UBTD1: variants seen among roughly 807,000 people sequenced by gnomAD.
UBTD1 encodes ubiquitin domain containing 1, also known as ubiquitin domain-containing protein 1.
In UBTD1, 19 loss-of-function variants were observed where a neutral mutation model predicts 21.7. The ratio of observed to expected loss-of-function variants is 0.87; its 90% CI spans 0.61 to 1.28. The LOEUF (loss-of-function observed/expected upper bound fraction) is 1.28. Among genes scored for constraint, UBTD1 ranks in the 50% most tolerant of loss-of-function variants. UBTD1 has a pLI of 0.00. For missense variants in UBTD1, 282 were observed against 315.1 expected (o/e 0.89, Z 0.80); for synonymous variants, 116 against 135.1 (o/e 0.86, Z 0.98).
chr10:97,533,134 G>T (rs566171702), intron 1 of UBTD1, among the ~76,000 whole-genome samples: 17 of 152,250 alleles, frequency 1.1e-4, no homozygotes, highest in Non-Finnish European at 2.5e-4. Context: ...AGGGCTGCCA[G>T]CCTCAGCAGT....
chr10:97,550,421 A>G (rs1427941591), intron 1 of UBTD1, among the ~76,000 whole-genome samples: 2 of 152,090 alleles, frequency 1.3e-5, no homozygotes, highest in Non-Finnish European at 2.9e-5. Flanking sequence ...AAGTCACAAG[A>G]ACCATCTCCT....
intron 1 of UBTD1, among the ~76,000 whole-genome samples, chr10:97,535,353 C>T (rs570632759): frequency 4.5e-4 from 69 of 152,294 alleles, no homozygotes; most frequent in Middle Eastern, 3.4e-3. Flanking sequence ...TGGTGGCTCA[C>T]GCCTGTAATC....
intron 1 of UBTD1, among the ~76,000 whole-genome samples, chr10:97,542,195 G>A (rs901442864): frequency 1.3e-5 from 2 of 152,184 alleles, no homozygotes; most frequent in Non-Finnish European, 2.9e-5. Context: ...CACCACCCAG[G>A]CCCTGCATCT....
At chr10:97,566,853 G>A (rs780917323) in intron 1 of UBTD1, among the ~76,000 whole-genome samples, 6 of 152,068 alleles carry the variant, frequency 3.9e-5, no homozygotes, top group African/African-American at 7.2e-5. Context: ...AGATGACTGA[G>A]CCTCCAAAAG....
intron 1 of UBTD1, among the ~76,000 whole-genome samples, chr10:97,555,239 A>G (rs2040658575): frequency 6.6e-6 from 1 of 152,236 alleles, no homozygotes; most frequent in East Asian, 1.9e-4. Context: ...AAATAATGAA[A>G]GAGAAAAGGA....
intron 1 of UBTD1, among the ~76,000 whole-genome samples, chr10:97,523,293 A>AG (rs1183786364): frequency 6.6e-6 from 1 of 152,182 alleles, no homozygotes; most frequent in Non-Finnish European, 1.5e-5. Context: ...GCAGGTCAAC[A>AG]AGGTGGCCAT....
intron 1 of UBTD1, among the ~76,000 whole-genome samples, chr10:97,557,589 A>T (rs1363668127): frequency 6.6e-6 from 1 of 152,120 alleles, no homozygotes; most frequent in East Asian, 1.9e-4. Context: ...TCCAATTTAG[A>T]GAACCGCATC....
chr10:97,542,458 C>T (rs2040591488), intron 1 of UBTD1, among the ~76,000 whole-genome samples: 1 of 152,214 alleles, frequency 6.6e-6, no homozygotes, highest in Non-Finnish European at 1.5e-5. Context: ...CCCACTCATC[C>T]CCTTGTCTTG....
chr10:97,515,639 A>G (rs2040440701), intron 1 of UBTD1, among the ~76,000 whole-genome samples: 1 of 152,114 alleles, frequency 6.6e-6, no homozygotes. Flanking sequence ...CTTCTCTTTG[A>G]GCTTCCTTCA....
At chr10:97,502,188 ATT>A (rs550102757) in intron 1 of UBTD1, among the ~76,000 whole-genome samples, 1 of 146,766 alleles carries the variant, frequency 6.8e-6, no homozygotes, top group African/African-American at 2.5e-5. Context: ...ATATATCTGC[ATT>A]TTTTTTTTTA....
chr10:97,570,133 T>G lies in UBTD1; in HGVS notation c.299-5T>G. 6.3e-7 allele frequency: 1 copy of G among 1,597,986 alleles called. No homozygotes were observed. The highest frequency in any genetic ancestry group is 8.6e-7 in the Non-Finnish European group (1 of 1,168,802). On this transcript the variant is annotated splice_region_variant and splice_polypyrimidine_tract_variant and intron_variant, in intron 2 of 2. Coordinates refer to ENST00000370664, the MANE Select transcript of UBTD1 (RefSeq NM_024954.5). This position sits in a 1 kb window ranked among gnomAD's most constrained non-coding sequence, Gnocchi z 6.6. ...CTGACTCTGACAGCCCTGCCTCTCC[T>G]ACAGGCACCCTCTGTGAATGCTACG...
intron 1 of UBTD1, among the ~76,000 whole-genome samples, chr10:97,507,655 A>C (rs2040404699): frequency 1.3e-5 from 2 of 151,662 alleles, no homozygotes; most frequent in Non-Finnish European, 2.9e-5. Context: ...ACGTGCCTGT[A>C]ATCCCAGCTA....
chr10:97,562,354 C>T (rs2040696729), intron 1 of UBTD1, among the ~76,000 whole-genome samples: 2 of 152,168 alleles, frequency 1.3e-5, no homozygotes, highest in Admixed American at 6.5e-5. Flanking sequence ...AGCAATAAAG[C>T]TTTTTAATCA....
Position 97,570,781 on chromosome 10 carries a change from C to G in UBTD1, c.*258C>G, listed in dbSNP as rs2040744975. The G allele has an allele frequency of 2.2e-6, 1 of 464,642 alleles. No individual in the cohort carries two copies. The allele number at this position is 464,642 out of a possible 1,614,324, so 28.8% of individuals were successfully genotyped here. The stretch of plus-strand genomic sequence containing the variant: ...CCCTCACCCTGCCTGTCTCCCGAAG[C>G]AGGTTCGAGCCACAAGGGCCAACCA... On this transcript the variant is annotated 3_prime_UTR_variant, in exon 3 of 3. Coordinates refer to ENST00000370664, the MANE Select transcript of UBTD1 (RefSeq NM_024954.5). This position sits in a 1 kb window ranked among gnomAD's most constrained non-coding sequence, Gnocchi z 6.6.
chr10:97,543,695 A>C (rs565677744), intron 1 of UBTD1, among the ~76,000 whole-genome samples: 1 of 152,340 alleles, frequency 6.6e-6, no homozygotes, highest in East Asian at 1.9e-4. Context: ...ACAGACCTGA[A>C]AGACAGAAAG....
chr10:97,570,375 A>C lies in UBTD1; in HGVS notation c.536A>C (p.His179Pro). Residue 179 changes from histidine (H) to proline (P), a missense_variant, in exon 3 of 3, where the codon CAC becomes CCC. Transcript: ENST00000370664. The surrounding 1 kb of genome is among the most constrained non-coding windows in gnomAD (Gnocchi z 6.6). The part of the protein sequence containing the change: ...DTVGQLKRQL[H>P]AQEGIEPSWQ... Reference sequence around the variant, plus strand: ...GTGGGGCAGCTCAAGAGGCAGCTGCACGCCCAGGAGGGCATCGAGCCATCG... The same window carrying C: ...GTGGGGCAGCTCAAGAGGCAGCTGCCCGCCCAGGAGGGCATCGAGCCATCG... 6.2e-7 allele frequency: 1 copy of C among 1,613,316 alleles called. No individual in the cohort carries two copies. Among genetic ancestry groups the C allele is most frequent in the Non-Finnish European group, 8.5e-7 (1 of 1,180,000 alleles).
intron 1 of UBTD1, among the ~76,000 whole-genome samples, chr10:97,523,302 A>G (rs1251110196): frequency 6.6e-6 from 1 of 152,218 alleles, no homozygotes; most frequent in Non-Finnish European, 1.5e-5. Context: ...CAAGGTGGCC[A>G]TCTGGGAGCA....
chr10:97,529,419 G>A (rs1264022583), intron 1 of UBTD1, among the ~76,000 whole-genome samples: 1 of 152,234 alleles, frequency 6.6e-6, no homozygotes, highest in Non-Finnish European at 1.5e-5. Flanking sequence ...AGGCGGCTGG[G>A]AGGTGGAGGT....
chr10:97,531,582 A>C (rs897900708), intron 1 of UBTD1, among the ~76,000 whole-genome samples: 4 of 152,158 alleles, frequency 2.6e-5, no homozygotes, highest in Non-Finnish European at 5.9e-5. Context: ...GTAAAAAATA[A>C]GAAAAGTGGT....
Sources: gnomAD v4.1 joint callset for allele counts (sites outside exome capture counted in the v4.1 genomes callset) on GRCh38, gnomAD v4.1.1 for gene constraint, Gnocchi (gnomAD v3.1) non-coding constraint, MANE v1.5 for transcripts, NCBI Gene and HGNC (gene_info 2026-07-23, HGNC 2026-07-21) for gene names.